The following RYR1 variants were observed in gnomAD, a reference collection of about 807,000 sequenced individuals.
RYR1 encodes ryanodine receptor 1.
RYR1 carries 342 observed loss-of-function variants against 583.5 expected under a neutral mutation model. The observed-to-expected ratio is 0.59, with a 90% CI of 0.54 to 0.64. The LOEUF is 0.64. Among genes scored for constraint, RYR1 ranks in the 30% least tolerant of loss-of-function variants. RYR1 has a pLI of 0.00. For missense variants in RYR1, 6,032 were observed against 6,917.2 expected (o/e 0.87, Z 4.54); for synonymous variants, 2,791 against 2,822.5 (o/e 0.99, Z 0.35).
At chr19:38,536,415 C>T (rs922050478) in intron 82 of RYR1, among the ~76,000 whole-genome samples, 6 of 151,426 alleles carry the variant, frequency 4.0e-5, no homozygotes, top group East Asian at 1.9e-4. Context: ...GGGTTAATCG[C>T]GTCTCCTCTT....
In RYR1 at chr19:38,490,095, A is replaced by G; in HGVS notation, c.5834A>G (p.Tyr1945Cys). The G allele has an allele frequency of 6.2e-7, 1 of 1,614,110 alleles. No homozygotes were observed. ...CCACAGATGTGCCACCTGCTGGAGT[A>G]TTTCTGTGACCAAGAGCTGCAGCAC... ...VKLQMCHLLE[Y>C]FCDQELQHRV... The change falls in exon 36 of 106, where the codon TAT (tyrosine) becomes TGT (cysteine). Residue 1945 changes from tyrosine (Y) to cysteine (C), a missense_variant. Tyr to Cys is a radical substitution (Grantham distance 194). Around this residue, in one of 11 missense-constraint regions of RYR1, gnomAD observed 2,627 missense variants for 2,961.3 expected, o/e 0.89. Transcript: ENST00000359596.
chr19:38,587,554 GC>G lies in RYR1; in HGVS notation c.*140del. On this transcript the variant is annotated 3_prime_UTR_variant, in exon 106 of 106. Coordinates refer to ENST00000359596, the MANE Select transcript of RYR1 (RefSeq NM_000540.3). ...GTACTGGAAAATAAATCTGTGCTAC[GC>G]CCCCCAGCATCACTGTGTTGGCCTG... is the stretch of plus-strand genomic sequence containing the variant. 2.6e-6 allele frequency: 2 copies of G among 777,306 alleles called. No individual in the cohort carries two copies. Among genetic ancestry groups the G allele is most frequent in the Non-Finnish European group, 2.2e-6 (1 of 448,152 alleles). 48.2% of individuals were successfully genotyped at this position (777,306 alleles called of 1,614,324 possible).
chr19:38,504,930 G>A lies in RYR1; in HGVS notation c.8231+19G>A. On this transcript the variant is annotated intron_variant, in intron 51 of 105. Transcript: ENST00000359596. ...CCCTCAAGTGAGGCCTGGGGGCTGG[G>A]AGACAGAGAGGAAGATTTCAGGGGT... The A allele has an allele frequency of 3.1e-6, 5 of 1,614,130 alleles. No individual in the cohort carries two copies. Among genetic ancestry groups the A allele is most frequent in the Non-Finnish European group, 4.2e-6 (5 of 1,180,022 alleles).
intron 84 of RYR1, among the ~76,000 whole-genome samples, chr19:38,542,246 GAATA>G (rs1359814969): frequency 3.3e-5 from 5 of 151,844 alleles, no homozygotes; most frequent in Non-Finnish European, 7.4e-5. Flanking sequence ...AAAATATGTT[GAATA>G]AATGAACAAG....
chr19:38,484,303 T>C (rs57127300), intron 33 of RYR1, among the ~76,000 whole-genome samples: 33,078 of 151,608 alleles, frequency 0.22, 5,093 homozygotes, highest in African/African-American at 0.43. Context: ...AAAAATAGAA[T>C]TCTGAACGTG....
Position 38,561,040 on chromosome 19 carries a change from TAAAAAA to T in RYR1, c.12283-61_12283-56del, listed in dbSNP as rs550360145. 6.9e-6 allele frequency: 8 copies of T among 1,161,318 alleles called. No individual in the cohort carries two copies. Among genetic ancestry groups the T allele is most frequent in the East Asian group, 2.6e-5 (1 of 38,466 alleles). 71.9% of individuals were successfully genotyped at this position (1,161,318 alleles called of 1,614,324 possible). On this transcript the variant is annotated intron_variant, in intron 89 of 105. Transcript: ENST00000359596. The surrounding 1 kb of genome is among the most constrained non-coding windows in gnomAD (Gnocchi z 4.8). ...TGGGCGACACAGCGAGACCTTGTCT[TAAAAAA>T]AAAAAAAAAAAGAGAGAGAATTGAG...
At chr19:38,554,103 A>G (rs1425117877) in intron 89 of RYR1, among the ~76,000 whole-genome samples, 6 of 151,960 alleles carry the variant, frequency 3.9e-5, no homozygotes, top group Non-Finnish European at 7.4e-5. Context: ...ACATTTGTAC[A>G]TGTTTTACTG....
At chr19:38,449,265 G>C (rs1256502297) in intron 11 of RYR1, among the ~76,000 whole-genome samples, 1 of 152,112 alleles carries the variant, frequency 6.6e-6, no homozygotes, top group Non-Finnish European at 1.5e-5. Context: ...TTTGAGACCA[G>C]CCTGGCCAAC....
intron 67 of RYR1, among the ~76,000 whole-genome samples, chr19:38,522,692 G>A (rs1971274216): frequency 6.6e-6 from 1 of 152,040 alleles, no homozygotes; most frequent in East Asian, 1.9e-4. Flanking sequence ...GCTTACACCT[G>A]TAATCCCAGC....
chr19:38,572,233 T>G lies in RYR1; in HGVS notation c.13961T>G (p.Val4654Gly). ...LRCLSLLHTL[V>G]AFLCIIGYNC... ...TGTCTGAGCCTCCTGCATACACTGG[T>G]GGCCTTTCTCTGCATCATTGGCTAT... Residue 4654 changes from valine to glycine, a missense_variant, in exon 95 of 106, where the codon GTG (valine) becomes GGG (glycine). Transcript: ENST00000359596. The G allele has an allele frequency of 1.2e-6, 2 of 1,603,172 alleles. No homozygotes were observed. The highest frequency in any genetic ancestry group is 1.7e-6 in the Non-Finnish European group (2 of 1,174,472).
At position 38,532,550 on chromosome 19, in the gene RYR1, CT is replaced by C. The variant is rs758829487; in HGVS notation, c.11193+10del. ...CTGATATCATGGCAAAGGTGAGGCC[CT>C]ACCCCCCTCTTCTGGGGCAGATTTC... is the stretch of plus-strand genomic sequence containing the variant. On this transcript the variant is annotated intron_variant, in intron 77 of 105. Coordinates refer to ENST00000359596, the MANE Select transcript of RYR1 (RefSeq NM_000540.3). 3.5e-5 allele frequency: 57 copies of C among 1,614,122 alleles called. No individual in the cohort carries two copies. The highest frequency in any genetic ancestry group is 4.3e-5 in the Non-Finnish European group (51 of 1,179,996).
At chr19:38,492,428 G>A in intron 37 of RYR1, 62 bp from the exon 38 acceptor site, 1 of 1,557,650 alleles carries the variant, frequency 6.4e-7, no homozygotes, top group Non-Finnish European at 8.8e-7. Context: ...ATAAATGAGT[G>A]TGTAAGCAGG....
At chr19:38,522,912 C>T (rs1971283739) in intron 67 of RYR1, 116 bp from the exon 68 acceptor site, 2 of 853,656 alleles carry the variant, frequency 2.3e-6, no homozygotes, top group African/African-American at 1.7e-5. Context: ...CTAGAAACCC[C>T]ATCCCTCTGA....
chr19:38,442,919 C>T (rs1238273246), intron 3 of RYR1, among the ~76,000 whole-genome samples: 3 of 152,208 alleles, frequency 2.0e-5, no homozygotes, highest in South Asian at 2.1e-4. Flanking sequence ...GCGTGAGTCC[C>T]TCTGGTCCAG....
intron 74 of RYR1, 88 bp downstream of exon 74, chr19:38,528,506 G>A (rs1348024969): frequency 6.3e-7 from 1 of 1,588,980 alleles, no homozygotes; most frequent in Non-Finnish European, 8.6e-7. Flanking sequence ...AACGTGATGG[G>A]GCCTTGAGGG....
At chr19:38,534,263 G>A (rs1057282390) in intron 78 of RYR1, among the ~76,000 whole-genome samples, 6 of 151,848 alleles carry the variant, frequency 4.0e-5, no homozygotes, top group African/African-American at 9.7e-5. Context: ...TCCCTGCCTC[G>A]GCCTCCCAAA....
intron 101 of RYR1, among the ~76,000 whole-genome samples, chr19:38,582,412 A>G (rs187665147): frequency 6.6e-6 from 1 of 151,466 alleles, no homozygotes; most frequent in African/African-American, 2.4e-5. Flanking sequence ...AAAAGGAAAA[A>G]AAAAAAGACT....
intron 67 of RYR1, 26 bp downstream of exon 67, chr19:38,519,480 GC>G: frequency 6.3e-7 from 1 of 1,575,408 alleles, no homozygotes; most frequent in Admixed American, 1.8e-5. Context: ...CTGTCCCCAT[GC>G]CCTCCGCCCC....
At chr19:38,564,826 C>CA (rs1164320118) in intron 90 of RYR1, 133 bp from the exon 91 acceptor site, 1 of 1,477,056 alleles carries the variant, frequency 6.8e-7, no homozygotes, top group Middle Eastern at 2.4e-4. Flanking sequence ...GACCCTGTCT[C>CA]AAAAACAAAA....
Sources: allele counts gnomAD v4.1 joint callset (sites outside exome capture counted in the v4.1 genomes callset), GRCh38; gene constraint gnomAD v4.1.1; regional missense constraint gnomAD v4.1.1; non-coding constraint Gnocchi (gnomAD v3.1); transcripts MANE v1.5; gene names NCBI Gene and HGNC (gene_info 2026-07-23, HGNC 2026-07-21).